The following TOR3A variants were observed in gnomAD, a reference collection of about 807,000 sequenced individuals.
The protein encoded by TOR3A is torsin-3A.
In TOR3A, 44 loss-of-function variants were observed where a neutral mutation model predicts 42.1. The ratio of observed to expected loss-of-function variants is 1.04; its 90% CI spans 0.82 to 1.34. The LOEUF is 1.34. TOR3A is among the 40% of genes most tolerant of loss of function. The pLI is 0.00. For synonymous variants in TOR3A, 227 were observed against 213.2 expected (o/e 1.06, Z -0.57); for missense variants, 521 against 507.6 (o/e 1.03, Z -0.25).
intron 4 of TOR3A, among the ~76,000 whole-genome samples, chr1:179,089,470 A>AT (rs1474548343): frequency 1.3e-5 from 2 of 152,066 alleles, no homozygotes; most frequent in East Asian, 3.9e-4. Flanking sequence ...GCCCAGGGTG[A>AT]TTTTTAAGAG....
rs1412994684 is a variant in TOR3A at position 179,085,851 on chromosome 1, C to T, written c.597C>T (p.Ala199=). 4 of 1,614,162 alleles carry T rather than the reference C, an allele frequency of 2.5e-6. No individual in the cohort carries two copies. Among genetic ancestry groups the T allele is most frequent in the Non-Finnish European group, 3.4e-6 (4 of 1,180,040 alleles). The part of the protein sequence containing the change: ...LMSDCVRMFI[A]TFHFPHPKYV... ...GTGACTGTGTCAGGATGTTCATCGC[C>T]ACGTTCCACTTTCCTCACCCCAAAT... The change falls in exon 3 of 6, where the codon GCC becomes GCT. Residue 199 remains alanine, a synonymous_variant. Coordinates refer to ENST00000367627, the MANE Select transcript of TOR3A (RefSeq NM_022371.4).
chr1:179,083,998 G>GGACT (rs1024282865), intron 2 of TOR3A, among the ~76,000 whole-genome samples: 15 of 152,136 alleles, frequency 9.9e-5, no homozygotes, highest in African/African-American at 3.6e-4. Flanking sequence ...ACAGAAGATA[G>GGACT]GACTACATAC....
chr1:179,094,155 G>A lies in TOR3A; in HGVS notation c.881G>A (p.Arg294Gln), dbSNP rs774109972. The change falls in exon 5 of 6, where the codon CGG becomes CAG. Residue 294 changes from arginine to glutamine, a missense_variant. By Grantham distance (43) the Arg-to-Gln change is conservative (BLOSUM62 1). Transcript: ENST00000367627. Reference protein sequence around the residue: ...VLKLLKAGWSREEITMEHLEP... With the variant: ...VLKLLKAGWSQEEITMEHLEP... ...AAGTTGCTCAAGGCTGGATGGTCCC[G>A]GGAAGAAATTACGATGGAACACCTG... 52 of 1,613,928 alleles carry A rather than the reference G, an allele frequency of 3.2e-5. No homozygotes were observed. The highest frequency in any genetic ancestry group is 9.9e-5 in the South Asian group (9 of 91,046).
chr1:179,095,538 A>G lies in TOR3A; in HGVS notation c.*320A>G, dbSNP rs949412804. 5 of 1,179,890 alleles carry G rather than the reference A, an allele frequency of 4.2e-6. No homozygotes were observed. The highest frequency in any genetic ancestry group is 5.2e-6 in the Non-Finnish European group (5 of 953,690). The allele number at this position is 1,179,890 out of a possible 1,614,324, so 73.1% of individuals were successfully genotyped here. A position where few individuals can be genotyped will look rare whatever the true frequency, so the allele number is the denominator to read the frequency against. Reference sequence around the variant, plus strand: ...GGAATGTGGTTGAAGAAAGTGGGCCAGGTGGTTGAAGAAAGCCATGTGGGA... The same window carrying G: ...GGAATGTGGTTGAAGAAAGTGGGCCGGGTGGTTGAAGAAAGCCATGTGGGA... On this transcript the variant is annotated 3_prime_UTR_variant, in exon 6 of 6. Coordinates refer to ENST00000367627, the MANE Select transcript of TOR3A (RefSeq NM_022371.4).
chr1:179,085,244 G>C (rs773302061), intron 2 of TOR3A: 1 of 190,128 alleles, frequency 5.3e-6, no homozygotes, highest in Admixed American at 5.3e-5. Flanking sequence ...AGCCAACCTG[G>C]TGAAACCCGT....
chr1:179,095,726 C>T lies in TOR3A; in HGVS notation c.*508C>T. ...TTCTGTGACCCAGGGGTGGAGAATACACTCTAGGTTTGCAGGCTGGTGGGC... is the reference window on the plus strand; with the variant it reads ...TTCTGTGACCCAGGGGTGGAGAATATACTCTAGGTTTGCAGGCTGGTGGGC... On this transcript the variant is annotated 3_prime_UTR_variant, in exon 6 of 6. Coordinates refer to ENST00000367627, the MANE Select transcript of TOR3A (RefSeq NM_022371.4). 9.1e-6 allele frequency: 9 copies of T among 990,416 alleles called. No individual in the cohort carries two copies. Among genetic ancestry groups the T allele is most frequent in the Non-Finnish European group, 9.6e-6 (8 of 834,434 alleles). 61.4% of individuals were successfully genotyped at this position (990,416 alleles called of 1,614,324 possible).
intron 4 of TOR3A, among the ~76,000 whole-genome samples, chr1:179,092,986 C>T (rs1652633507): frequency 6.6e-6 from 1 of 152,164 alleles, no homozygotes; most frequent in Non-Finnish European, 1.5e-5. Context: ...ATCTGGGTGA[C>T]AGAATGAGAC....
rs900970121 is a variant in TOR3A, at chr1:179,083,177, C to T, written c.373+124C>T. The T allele has an allele frequency of 5.5e-6, 3 of 547,810 alleles. No individual in the cohort carries two copies. The African/African-American group carries it at 5.8e-5, about 11-fold the overall frequency. The allele number at this position is 547,810 out of a possible 1,614,324, so 33.9% of individuals were successfully genotyped here. The stretch of plus-strand genomic sequence containing the variant: ...CAGCCTCCCGACAAGCAGGAACTGC[C>T]ACAGTCTGACTGAAGTTTTGAGGGA... On this transcript the variant is annotated intron_variant, in intron 2 of 5. Coordinates refer to ENST00000367627, the MANE Select transcript of TOR3A (RefSeq NM_022371.4).
intron 3 of TOR3A, among the ~76,000 whole-genome samples, chr1:179,086,157 T>C (rs755276664): frequency 2.6e-5 from 4 of 152,188 alleles, no homozygotes; most frequent in Non-Finnish European, 4.4e-5. Flanking sequence ...GGACGCTGCA[T>C]GTTGATTTTT....
chr1:179,088,325 T>G (rs1652491330), intron 4 of TOR3A: 1 of 327,712 alleles, frequency 3.1e-6, no homozygotes, highest in Admixed American at 4.7e-5. Flanking sequence ...CTGGGCAACA[T>G]AGTGAAACCC....
chr1:179,094,592 G>T (rs919616998), intron 5 of TOR3A, among the ~76,000 whole-genome samples: 3 of 152,164 alleles, frequency 2.0e-5, no homozygotes, highest in Non-Finnish European at 2.9e-5. Flanking sequence ...AGCCCCTTCA[G>T]TCGGGGCCAG....
rs145389283 is a variant in TOR3A, at chr1:179,095,425, G to GAGAT, written c.*214_*217dup. The GAGAT allele has an allele frequency of 0.091, 127,828 of 1,402,660 alleles. 6,254 individuals are homozygous for GAGAT. Among genetic ancestry groups the GAGAT allele is most frequent in the Middle Eastern group, 0.14 (513 of 3,758 alleles). The allele number at this position is 1,402,660 out of a possible 1,614,324, so 86.9% of individuals were successfully genotyped here. ...TTTTCTTTTTTTTGGAGGTCCCACCGAGATAGATAGGAACTTGGATTGCTG... is the reference window on the plus strand; with the variant it reads ...TTTTCTTTTTTTTGGAGGTCCCACCGAGATAGATAGATAGGAACTTGGATTGCTG... On this transcript the variant is annotated 3_prime_UTR_variant, in exon 6 of 6. Transcript: ENST00000367627.
chr1:179,088,028 G>C lies in TOR3A; in HGVS notation c.757G>C (p.Glu253Gln). ...GCTGGAGGTCCTTGGGCCACACTTAGAACGCCGGGCCCCTGAGGGCCACAG... is the reference window on the plus strand; with the variant it reads ...GCTGGAGGTCCTTGGGCCACACTTACAACGCCGGGCCCCTGAGGGCCACAG... ...GLLEVLGPHLERRAPEGHRAE... is the reference protein window; with the variant it reads ...GLLEVLGPHLQRRAPEGHRAE... The change falls in exon 4 of 6, where the codon GAA becomes CAA. Residue 253 changes from glutamate (E) to glutamine (Q), a missense_variant. Physicochemically the swap from Glu to Gln is conservative, Grantham distance 29 (BLOSUM62 2). Transcript: ENST00000367627. 2 of 1,613,564 alleles carry C rather than the reference G, an allele frequency of 1.2e-6. No individual in the cohort carries two copies. Among genetic ancestry groups the C allele is most frequent in the Non-Finnish European group, 1.7e-6 (2 of 1,179,762 alleles).
chr1:179,088,226 A>G (rs1183692264), intron 4 of TOR3A, 137 bp downstream of exon 4: 1 of 1,004,224 alleles, frequency 1.0e-6, no homozygotes, highest in Non-Finnish European at 1.4e-6. Flanking sequence ...AGAAAGCAGC[A>G]GCCAGCTGTG....
At chr1:179,091,979 C>A (rs1252482340) in intron 4 of TOR3A, among the ~76,000 whole-genome samples, 1 of 152,248 alleles carries the variant, frequency 6.6e-6, no homozygotes, top group South Asian at 2.1e-4. Context: ...GGCTGAGCAA[C>A]TGACCTTGAG....
chr1:179,095,345 A>C lies in TOR3A; in HGVS notation c.*127A>C, dbSNP rs1557890279. ...GACTGGCATCCAGCAGCCACTAACAAACACACAACTGGTGTGTAAAAGGCA... is the reference window on the plus strand; with the variant it reads ...GACTGGCATCCAGCAGCCACTAACACACACACAACTGGTGTGTAAAAGGCA... On this transcript the variant is annotated 3_prime_UTR_variant, in exon 6 of 6. Transcript: ENST00000367627. The C allele has an allele frequency of 3.9e-6, 6 of 1,526,528 alleles. No individual in the cohort carries two copies. Among genetic ancestry groups the C allele is most frequent in the Non-Finnish European group, 3.5e-6 (4 of 1,144,796 alleles). The allele number at this position is 1,526,528 out of a possible 1,614,324, so 94.6% of individuals were successfully genotyped here.
chr1:179,085,704 C>T lies in TOR3A; in HGVS notation c.450C>T (p.Gly150=). 6.2e-7 allele frequency: 1 copy of T among 1,614,252 alleles called. No homozygotes were observed. The highest frequency in any genetic ancestry group is 1.1e-5 in the South Asian group (1 of 91,092). ...AGCTGGTCCTAAGAACAGTGAGGGG[C>T]TACTTAGAGACGCCCCAGCCAGAAA... ...VQQLVLRTVR[G]YLETPQPEKA... The change falls in exon 3 of 6, where the codon GGC becomes GGT. Residue 150 remains glycine, a synonymous_variant. Transcript: ENST00000367627.
chr1:179,095,426 A>AGAT lies in TOR3A; in HGVS notation c.*209_*211dup, dbSNP rs1652715588. 7.2e-7 allele frequency: 1 copy of AGAT among 1,385,932 alleles called. No homozygotes were observed. Among genetic ancestry groups the AGAT allele is most frequent in the Non-Finnish European group, 9.3e-7 (1 of 1,074,724 alleles). 85.9% of individuals were successfully genotyped at this position (1,385,932 alleles called of 1,614,324 possible). A position where few individuals can be genotyped will look rare whatever the true frequency, so the allele number is the denominator to read the frequency against. On this transcript the variant is annotated 3_prime_UTR_variant, in exon 6 of 6. Coordinates refer to ENST00000367627, the MANE Select transcript of TOR3A (RefSeq NM_022371.4). The stretch of plus-strand genomic sequence containing the variant: ...TTTCTTTTTTTTGGAGGTCCCACCG[A>AGAT]GATAGATAGGAACTTGGATTGCTGA...
At position 179,082,345 on chromosome 1, in the gene TOR3A, G is replaced by T. The variant is rs764913673; in HGVS notation, c.217G>T (p.Asp73Tyr). Reference protein sequence around the residue: ...WTLFSCQVWPDDCDEDEEAAT... With the variant: ...WTLFSCQVWPYDCDEDEEAAT... The stretch of plus-strand genomic sequence containing the variant: ...GCTCTTCAGCTGCCAGGTGTGGCCC[G>T]ACGACTGTGACGAGGACGAGGAGGC... Residue 73 changes from aspartate (D) to tyrosine (Y), a missense_variant, in exon 1 of 6, where the codon GAC becomes TAC. Transcript: ENST00000367627. 5.0e-6 allele frequency: 8 copies of T among 1,605,668 alleles called. No individual in the cohort carries two copies. Among genetic ancestry groups the T allele is most frequent in the African/African-American group, 1.4e-5 (1 of 73,692 alleles).
Sources: allele counts gnomAD v4.1 joint callset (sites outside exome capture counted in the v4.1 genomes callset), GRCh38; gene constraint gnomAD v4.1.1; transcripts MANE v1.5; gene names NCBI Gene and HGNC (gene_info 2026-07-23, HGNC 2026-07-21).